TMEM117: variants seen among roughly 807,000 people sequenced by gnomAD.
TMEM117 encodes the protein transmembrane protein 117.
A neutral mutation model predicts 52.4 loss-of-function variants in TMEM117; 27 were observed. The ratio of observed to expected loss-of-function variants is 0.51; its 90% CI spans 0.38 to 0.71. TMEM117 has a LOEUF of 0.71. Among genes scored for constraint, TMEM117 ranks in the 30% least tolerant of loss-of-function variants. The pLI is 0.00. For missense variants in TMEM117, 556 were observed against 630.5 expected (o/e 0.88, Z 1.26); for synonymous variants, 215 against 206.3 (o/e 1.04, Z -0.36).
At chr12:43,944,014 G>A (rs560388322) in intron 2 of TMEM117, among the ~76,000 whole-genome samples, 196 bp from the exon 3 acceptor site, 3 of 152,226 alleles carry the variant, frequency 2.0e-5, no homozygotes, top group East Asian at 1.9e-4. Flanking sequence ...TATGAGGATC[G>A]TCTTCGACTT....
chr12:44,383,866 C>G (rs931684816), intron 7 of TMEM117, among the ~76,000 whole-genome samples: 1 of 151,932 alleles, frequency 6.6e-6, no homozygotes, highest in Non-Finnish European at 1.5e-5. Context: ...TTCAGAAAAC[C>G]TTTCTCCTTC....
intron 4 of TMEM117, among the ~76,000 whole-genome samples, chr12:44,177,652 T>C (rs1949134437): frequency 6.6e-6 from 1 of 152,292 alleles, no homozygotes; most frequent in East Asian, 1.9e-4. Flanking sequence ...TAACTCAATC[T>C]TCACAACTTA....
At chr12:44,365,432 A>G (rs1407967625) in intron 6 of TMEM117, among the ~76,000 whole-genome samples, 1 of 152,026 alleles carries the variant, frequency 6.6e-6, no homozygotes, top group Admixed American at 6.6e-5. Context: ...TAATTGCAAT[A>G]TTAGGCCTGA....
chr12:43,891,367 A>ATTTTTTTTTGTTTTTTTTTTT (rs1944100565), intron 2 of TMEM117, among the ~76,000 whole-genome samples: 1 of 57,804 alleles, frequency 1.7e-5, no homozygotes, highest in Non-Finnish European at 3.1e-5. Context: ...TACCTCTTGA[A>ATTTTTTTTTGTTTTTTTTTTT]TTTTTTTTTT....
Position 44,043,663 on chromosome 12 carries a change from C to T in TMEM117, c.410+99321C>T, listed in dbSNP as rs186305587. On this transcript the variant is annotated intron_variant, in intron 3 of 7. Transcript: ENST00000266534. ...AATGTTGATTCTCCTCAGAAGTCAC[C>T]CCCAACACCCCTATTTGCTTCTGGA... 1.1e-3 allele frequency among the ~76,000 whole-genome samples: 161 copies of T among 152,226 alleles called. 2 individuals carry two copies. Among genetic ancestry groups the T allele is most frequent in the Admixed American group, 9.5e-3 (145 of 15,294 alleles).
At chr12:44,362,848 T>G (rs1440566806) in intron 6 of TMEM117, among the ~76,000 whole-genome samples, 1 of 151,992 alleles carries the variant, frequency 6.6e-6, no homozygotes, top group Non-Finnish European at 1.5e-5. Context: ...TTTTTTTTAT[T>G]TTTTTGGTTG....
chr12:44,238,550 C>T (rs1355108013), intron 5 of TMEM117, among the ~76,000 whole-genome samples: 1 of 152,018 alleles, frequency 6.6e-6, no homozygotes, highest in Non-Finnish European at 1.5e-5. Context: ...AGGAGGATGG[C>T]TTGAAACCAG....
chr12:44,120,277 C>T (rs1948212291), intron 3 of TMEM117, among the ~76,000 whole-genome samples: 1 of 152,060 alleles, frequency 6.6e-6, no homozygotes, highest in Non-Finnish European at 1.5e-5. Flanking sequence ...TGCTGATTTG[C>T]ATGTGTATTG....
intron 3 of TMEM117, among the ~76,000 whole-genome samples, chr12:44,030,367 G>T (rs1296187442): frequency 6.6e-6 from 1 of 152,170 alleles, no homozygotes; most frequent in Non-Finnish European, 1.5e-5. Flanking sequence ...ACGCTGTCTA[G>T]CTATGCTGGA....
chr12:43,798,426 T>C, the TMEM117 span: 21 of 702,808 alleles, frequency 3.0e-5, no homozygotes, highest in South Asian at 1.1e-4. Flanking sequence ...TGATAAATGA[T>C]AGCTAGTAGA....
At chr12:44,021,278 T>C (rs1047251466) in intron 3 of TMEM117, among the ~76,000 whole-genome samples, 1 of 152,136 alleles carries the variant, frequency 6.6e-6, no homozygotes, top group Admixed American at 6.6e-5. Flanking sequence ...CACCCTCAAA[T>C]AGAACCTAGT....
chr12:43,849,289 C>T (rs1370557793), intron 2 of TMEM117, among the ~76,000 whole-genome samples: 1 of 152,072 alleles, frequency 6.6e-6, no homozygotes, highest in African/African-American at 2.4e-5. Context: ...ATTTGGATCC[C>T]ATTCAAGAAA....
intron 3 of TMEM117, among the ~76,000 whole-genome samples, chr12:44,115,408 G>T (rs1290722303): frequency 6.6e-6 from 1 of 152,068 alleles, no homozygotes; most frequent in East Asian, 1.9e-4. Flanking sequence ...GTATACATAT[G>T]TACCAAACCT....
At chr12:44,030,387 T>C (rs1946613812) in intron 3 of TMEM117, among the ~76,000 whole-genome samples, 1 of 152,204 alleles carries the variant, frequency 6.6e-6, no homozygotes, top group African/African-American at 2.4e-5. Flanking sequence ...ATTCAGCCCT[T>C]ATCTGCACTT....
At chr12:44,105,856 G>A (rs1947944136) in intron 3 of TMEM117, among the ~76,000 whole-genome samples, 1 of 152,008 alleles carries the variant, frequency 6.6e-6, no homozygotes, top group Admixed American at 6.6e-5. Flanking sequence ...TATTCCAAAA[G>A]GAGTGTTTTC....
chr12:43,908,938 C>T (rs867906916), intron 2 of TMEM117, among the ~76,000 whole-genome samples: 314 of 138,018 alleles, frequency 2.3e-3, no homozygotes, highest in African/African-American at 6.3e-3. Flanking sequence ...GACAGATCAA[C>T]GAGACAGAAA....
intron 2 of TMEM117, among the ~76,000 whole-genome samples, chr12:43,871,610 C>T (rs1458003797): frequency 3.3e-5 from 5 of 152,154 alleles, no homozygotes; most frequent in Non-Finnish European, 5.9e-5. Flanking sequence ...GCTGTCTCCA[C>T]AACAGTGACT....
At chr12:44,390,257 G>T (rs1952154475), downstream of TMEM117, among the ~76,000 whole-genome samples, 1 of 150,968 alleles carries the variant, frequency 6.6e-6, no homozygotes, top group Non-Finnish European at 1.5e-5. Flanking sequence ...GCTCACTATA[G>T]TAACCCATTG....
At chr12:43,917,848 C>T in intron 2 of TMEM117, among the ~76,000 whole-genome samples, 1 of 152,108 alleles carries the variant, frequency 6.6e-6, no homozygotes, top group East Asian at 1.9e-4. Flanking sequence ...TGTCCTGTCA[C>T]CCTCTTGCAC....
Sources: allele counts gnomAD v4.1 joint callset (sites outside exome capture counted in the v4.1 genomes callset), GRCh38; gene constraint gnomAD v4.1.1; transcripts MANE v1.5; gene names NCBI Gene and HGNC (gene_info 2026-07-23, HGNC 2026-07-21).